Variants in ADIPOR2 observed in about 807,000 individuals in gnomAD.
ADIPOR2 encodes adiponectin receptor 2.
In ADIPOR2, 18 loss-of-function variants were observed where a neutral mutation model predicts 40.9. That is an observed-to-expected ratio of 0.44 (90% CI 0.30 to 0.65). The LOEUF (loss-of-function observed/expected upper bound fraction) is 0.65. ADIPOR2 is among the 30% of genes least tolerant of loss of function. The pLI is 0.09. For missense variants in ADIPOR2, 283 were observed against 479.2 expected (o/e 0.59, Z 3.82); for synonymous variants, 165 against 166.4 (o/e 0.99, Z 0.06).
chr12:1,773,561 T>C (rs1862530367), intron 3 of ADIPOR2, among the ~76,000 whole-genome samples: 1 of 151,052 alleles, frequency 6.6e-6, no homozygotes, highest in African/African-American at 2.4e-5. Flanking sequence ...GAATTGAGTT[T>C]GCCTGCTTAG....
At chr12:1,783,857 T>C (rs779221781) in intron 6 of ADIPOR2, 23 bp from the exon 7 acceptor site, 2 of 1,546,472 alleles carry the variant, frequency 1.3e-6, no homozygotes, top group South Asian at 2.4e-5. Flanking sequence ...TGCATTACTT[T>C]ACTCTCTTCT....
chr12:1,769,621 A>G (rs546098758), intron 2 of ADIPOR2, among the ~76,000 whole-genome samples: 3 of 151,646 alleles, frequency 2.0e-5, no homozygotes, highest in African/African-American at 7.3e-5. Flanking sequence ...GCTCACTGCA[A>G]CCCCCACCTC....
intron 1 of ADIPOR2, among the ~76,000 whole-genome samples, chr12:1,750,005 CTT>C (rs2094765498): frequency 6.6e-6 from 1 of 151,596 alleles, no homozygotes; most frequent in Non-Finnish European, 1.5e-5. Flanking sequence ...ACTCAGCTAA[CTT>C]TTAATTTTTT....
intron 2 of ADIPOR2, among the ~76,000 whole-genome samples, chr12:1,770,669 AAGAC>A (rs1224753257): frequency 1.3e-5 from 2 of 152,234 alleles, no homozygotes; most frequent in Non-Finnish European, 1.5e-5. Flanking sequence ...CATGGGGAAG[AAGAC>A]AGACACTTAA....
At chr12:1,697,045 G>A (rs1206972100) in intron 1 of ADIPOR2, 1 of 152,234 alleles carries the variant, frequency 6.6e-6, no homozygotes, top group African/African-American at 2.4e-5. Flanking sequence ...CTTCTCTGTG[G>A]TGCAGCAGCA....
intron 5 of ADIPOR2, 105 bp downstream of exon 5, chr12:1,780,742 A>G: frequency 7.2e-7 from 1 of 1,396,534 alleles, no homozygotes; most frequent in South Asian, 1.5e-5. Context: ...TCTCATGCAA[A>G]CTTTTTTTTT....
chr12:1,739,201 T>G (rs1267150668), intron 1 of ADIPOR2, among the ~76,000 whole-genome samples: 1 of 152,238 alleles, frequency 6.6e-6, no homozygotes, highest in Non-Finnish European at 1.5e-5. Context: ...ATGATGAAGG[T>G]ACTGCTCTCT....
At chr12:1,762,958 T>C (rs1862301342) in intron 2 of ADIPOR2, among the ~76,000 whole-genome samples, 1 of 152,242 alleles carries the variant, frequency 6.6e-6, no homozygotes, top group Non-Finnish European at 1.5e-5. Flanking sequence ...TTTCCATAGA[T>C]GATAAGAATT....
At chr12:1,710,137 C>T (rs1220881162) in intron 1 of ADIPOR2, among the ~76,000 whole-genome samples, 1 of 152,160 alleles carries the variant, frequency 6.6e-6, no homozygotes, top group South Asian at 2.1e-4. Context: ...CCTCAGCACA[C>T]TGTAAAATGG....
intron 2 of ADIPOR2, chr12:1,757,719 G>T: frequency 7.6e-7 from 1 of 1,310,984 alleles, no homozygotes; most frequent in Non-Finnish European, 1.1e-6. Context: ...AGATGAGACG[G>T]AAATTCTCCC....
intron 1 of ADIPOR2, among the ~76,000 whole-genome samples, chr12:1,734,780 T>C (rs1465039346): frequency 6.6e-6 from 1 of 152,212 alleles, no homozygotes; most frequent in East Asian, 1.9e-4. Context: ...AATTTTTGTA[T>C]AAGGTGTAAG....
At chr12:1,748,271 C>T (rs937946592) in intron 1 of ADIPOR2, among the ~76,000 whole-genome samples, 18 of 151,930 alleles carry the variant, frequency 1.2e-4, no homozygotes, top group Admixed American at 3.3e-4. Context: ...TTTTTAGAGA[C>T]GGAGTCTCTC....
chr12:1,757,179 T>C (rs1002283628), intron 2 of ADIPOR2: 1 of 334,954 alleles, frequency 3.0e-6, no homozygotes, highest in Non-Finnish European at 5.5e-6. Flanking sequence ...TTTATCATGC[T>C]ACATTATTTT....
At chr12:1,778,171 G>T (rs1862638199) in intron 4 of ADIPOR2, 146 bp downstream of exon 4, 5 of 924,794 alleles carry the variant, frequency 5.4e-6, no homozygotes, top group South Asian at 2.0e-5. Context: ...TTTTCTGACT[G>T]GTTTACTCGT....
At chr12:1,710,791 C>T (rs968811653) in intron 1 of ADIPOR2, among the ~76,000 whole-genome samples, 7 of 152,042 alleles carry the variant, frequency 4.6e-5, no homozygotes, top group African/African-American at 1.5e-4. Flanking sequence ...TTCAGTGGGT[C>T]GGTCCAGGGG....
Position 1,709,205 on chromosome 12 carries a change from G to A in ADIPOR2, c.-87+18014G>A, listed in dbSNP as rs117888255. Among the ~76,000 whole-genome samples the A allele has an allele frequency of 6.0e-4, 91 of 152,192 alleles. No homozygotes were observed. The East Asian group carries it at 0.016, about 27-fold the overall frequency. On this transcript the variant is annotated intron_variant, in intron 1 of 7. Transcript: ENST00000357103. ...ACAGATCATTAGGGAGAGAATTGTC[G>A]TTTAAAAAATATTGAGTCTTCTGGT...
chr12:1,704,706 A>G (rs1328811519), intron 1 of ADIPOR2, among the ~76,000 whole-genome samples: 1 of 152,230 alleles, frequency 6.6e-6, no homozygotes, highest in Non-Finnish European at 1.5e-5. Flanking sequence ...GATATAAAAC[A>G]CTGTAAATCA....
intron 1 of ADIPOR2, among the ~76,000 whole-genome samples, chr12:1,714,961 G>A (rs2094684705): frequency 2.0e-5 from 3 of 152,050 alleles, no homozygotes; most frequent in Admixed American, 2.0e-4. Context: ...GAGAGAAGGG[G>A]ACATGTACCT....
chr12:1,712,401 CAGTG>C (rs1469015288), intron 1 of ADIPOR2, among the ~76,000 whole-genome samples: 1 of 152,108 alleles, frequency 6.6e-6, no homozygotes, highest in South Asian at 2.1e-4. Context: ...GTAGTCCAGA[CAGTG>C]AGATCCTTTC....
Sources: allele counts gnomAD v4.1 joint callset (sites outside exome capture counted in the v4.1 genomes callset), GRCh38; gene constraint gnomAD v4.1.1; transcripts MANE v1.5; gene names NCBI Gene and HGNC (gene_info 2026-07-23, HGNC 2026-07-21).